Variants in DLG2 observed in about 807,000 individuals in gnomAD.
The protein encoded by DLG2 is disks large homolog 2.
A neutral mutation model predicts 132.5 loss-of-function variants in DLG2; 45 were observed. That is an observed-to-expected ratio of 0.34 (90% CI 0.27 to 0.44). The LOEUF (loss-of-function observed/expected upper bound fraction) is 0.44, where lower values mean the gene tolerates loss of function less well. Among genes scored for constraint, DLG2 ranks in the 20% least tolerant of loss-of-function variants. The pLI, the probability that DLG2 is intolerant of heterozygous loss-of-function variation, is 1.00. For missense variants in DLG2, 1,045 were observed against 1,196.9 expected (o/e 0.87, Z 1.87); for synonymous variants, 424 against 419.6 (o/e 1.01, Z -0.13).
At chr11:85,177,727 A>G (rs2079400964) in intron 4 of DLG2, among the ~76,000 whole-genome samples, 1 of 152,148 alleles carries the variant, frequency 6.6e-6, no homozygotes, top group Non-Finnish European at 1.5e-5. Flanking sequence ...TAACTACTAA[A>G]AGAAAATAGT....
chr11:85,118,087 T>C (rs1594456582), intron 5 of DLG2, among the ~76,000 whole-genome samples: 2 of 152,122 alleles, frequency 1.3e-5, no homozygotes, highest in Admixed American at 6.6e-5. Context: ...CCTCAACATA[T>C]GACTTCATCC....
At chr11:85,181,271 T>C (rs759020772) in intron 4 of DLG2, among the ~76,000 whole-genome samples, 6 of 151,720 alleles carry the variant, frequency 4.0e-5, no homozygotes, top group Non-Finnish European at 7.4e-5. Context: ...TATATATGTG[T>C]GTATATACAT....
intron 6 of DLG2, among the ~76,000 whole-genome samples, chr11:84,986,683 C>T (rs542422781): frequency 1.6e-4 from 25 of 152,076 alleles, no homozygotes; most frequent in African/African-American, 3.6e-4. Flanking sequence ...TCAATAGATG[C>T]GGAAAAAGCA....
intron 14 of DLG2, among the ~76,000 whole-genome samples, chr11:83,951,362 A>C (rs11233848): frequency 0.077 from 11,648 of 152,218 alleles, 608 homozygotes; most frequent in Non-Finnish European, 0.12. Context: ...CTTATAGCCC[A>C]GTACAGGATG....
At chr11:85,340,492 G>A (rs544885353) in intron 3 of DLG2, among the ~76,000 whole-genome samples, 151 of 152,250 alleles carry the variant, frequency 9.9e-4, no homozygotes, top group Non-Finnish European at 1.6e-3. Context: ...CCTGTTGGGC[G>A]GGTGGGGGCT....
intron 3 of DLG2, among the ~76,000 whole-genome samples, chr11:85,368,271 A>G (rs1462322043): frequency 2.0e-5 from 3 of 152,234 alleles, no homozygotes; most frequent in African/African-American, 7.2e-5. Flanking sequence ...TCAGCTAGAA[A>G]TTGCAAACGT....
At position 83,456,727 on chromosome 11, in the gene DLG2, TAG is replaced by T. The variant is rs1565279632; in HGVS notation, c.*3089_*3090del. The T allele has an allele frequency of 6.6e-6, 1 of 151,286 alleles. No individual in the cohort carries two copies. Among genetic ancestry groups the T allele is most frequent in the Non-Finnish European group, 1.5e-5 (1 of 67,948 alleles). The allele number at this position is 151,286 out of a possible 1,614,324, so 9.4% of individuals were successfully genotyped here. On this transcript the variant is annotated 3_prime_UTR_variant, in exon 28 of 28. Transcript: ENST00000376104. Reference sequence around the variant, plus strand: ...GTAAGGAAAAGAATGAGAAAAAAAGTAGAGTCTCGAGCCAGAGGTTGGAGAGT... The same window carrying T: ...GTAAGGAAAAGAATGAGAAAAAAAGTAGTCTCGAGCCAGAGGTTGGAGAGT...
At chr11:85,019,116 C>T (rs892324036) in intron 6 of DLG2, among the ~76,000 whole-genome samples, 1 of 152,138 alleles carries the variant, frequency 6.6e-6, no homozygotes, top group Non-Finnish European at 1.5e-5. Context: ...AACTACTGAA[C>T]TTATGTATGA....
chr11:85,564,095 A>G (rs1294227502), intron 3 of DLG2, among the ~76,000 whole-genome samples: 1 of 152,046 alleles, frequency 6.6e-6, no homozygotes, highest in Non-Finnish European at 1.5e-5. Flanking sequence ...TCTTGTTTTC[A>G]AAAAGTTTTT....
chr11:84,802,098 TAAAAAAAAAAAGCA>T (rs1198651748), intron 6 of DLG2, among the ~76,000 whole-genome samples: 4 of 132,892 alleles, frequency 3.0e-5, no homozygotes, highest in Non-Finnish European at 4.9e-5. Flanking sequence ...TACTTTTAGT[TAAAAAAAAAAAGCA>T]AAAAAAAAAA....
chr11:83,573,172 A>C (rs2096825993), intron 19 of DLG2, among the ~76,000 whole-genome samples: 1 of 152,212 alleles, frequency 6.6e-6, no homozygotes, highest in African/African-American at 2.4e-5. Context: ...GATTAGAATC[A>C]ATTTATGACT....
chr11:83,837,561 G>T (rs2056527344), intron 16 of DLG2, among the ~76,000 whole-genome samples: 1 of 151,862 alleles, frequency 6.6e-6, no homozygotes, highest in Non-Finnish European at 1.5e-5. Context: ...TTTGGCTAGA[G>T]TAGGTCAGTA....
intron 6 of DLG2, among the ~76,000 whole-genome samples, chr11:84,935,085 C>A (rs928950032): frequency 6.6e-6 from 1 of 152,128 alleles, no homozygotes; most frequent in Non-Finnish European, 1.5e-5. Flanking sequence ...ATCTAGCAGT[C>A]ACCTCTGACA....
intron 6 of DLG2, 57 bp from the exon 7 acceptor site, chr11:84,534,788 TAG>T (rs756632689): frequency 4.5e-6 from 7 of 1,568,282 alleles, no homozygotes; most frequent in Non-Finnish European, 5.3e-6. Context: ...GTAAAGGATA[TAG>T]ACTGAACTTC....
intron 4 of DLG2, among the ~76,000 whole-genome samples, chr11:85,207,466 CA>C (rs2081971918): frequency 6.6e-6 from 1 of 152,156 alleles, no homozygotes; most frequent in African/African-American, 2.4e-5. Flanking sequence ...TTTTATTCTT[CA>C]TCAGTAGCAT....
intron 15 of DLG2, among the ~76,000 whole-genome samples, chr11:83,891,055 G>A (rs1160510523): frequency 6.6e-6 from 1 of 152,150 alleles, no homozygotes; most frequent in Non-Finnish European, 1.5e-5. Flanking sequence ...CATCAAGGTA[G>A]AGATATCTCA....
chr11:83,775,487 C>T (rs1299154711), intron 18 of DLG2, among the ~76,000 whole-genome samples: 1 of 152,152 alleles, frequency 6.6e-6, no homozygotes, highest in Non-Finnish European at 1.5e-5. Context: ...TAACCTATAT[C>T]ACAAGTTTTT....
At chr11:84,536,273 T>G (rs2099355414) in intron 6 of DLG2, among the ~76,000 whole-genome samples, 1 of 152,090 alleles carries the variant, frequency 6.6e-6, no homozygotes, top group South Asian at 2.1e-4. Context: ...TTGTCAAGAG[T>G]CACCTTAACT....
chr11:85,010,893 G>A (rs182798985), intron 6 of DLG2, among the ~76,000 whole-genome samples: 24 of 152,206 alleles, frequency 1.6e-4, no homozygotes, highest in Admixed American at 6.5e-4. Flanking sequence ...ATTTTCTCAA[G>A]CAGTTTGTCT....
Sources: allele counts gnomAD v4.1 joint callset (sites outside exome capture counted in the v4.1 genomes callset), GRCh38; gene constraint gnomAD v4.1.1; transcripts MANE v1.5; gene names NCBI Gene and HGNC (gene_info 2026-07-23, HGNC 2026-07-21).